The following TRABD2B variants were observed in gnomAD, a reference collection of about 807,000 sequenced individuals.
TRABD2B encodes the protein TraB domain containing 2B, also known as metalloprotease TIKI2.
TRABD2B carries 14 observed loss-of-function variants against 40.1 expected under a neutral mutation model. The observed-to-expected ratio is 0.35, with a 90% CI of 0.23 to 0.55. TRABD2B has a LOEUF of 0.55. Among genes scored for constraint, TRABD2B ranks in the 20% least tolerant of loss-of-function variants. TRABD2B has a pLI of 0.90. For missense variants in TRABD2B, 541 were observed against 648.6 expected (o/e 0.83, Z 1.80); for synonymous variants, 263 against 277.0 (o/e 0.95, Z 0.50).
intron 2 of TRABD2B, among the ~76,000 whole-genome samples, chr1:47,909,438 GAGAAGA>G (rs1011112419): frequency 1.3e-5 from 2 of 148,842 alleles, no homozygotes; most frequent in East Asian, 2.0e-4. Context: ...GAGAGAGAGA[GAGAAGA>G]AGAAGAAGAA....
chr1:47,913,156 C>T (rs975911002), intron 2 of TRABD2B, among the ~76,000 whole-genome samples: 2 of 152,222 alleles, frequency 1.3e-5, no homozygotes, highest in African/African-American at 4.8e-5. Flanking sequence ...TGACTTTGTC[C>T]TTCCCAAGCT....
chr1:47,981,590 C>T (rs1181349447), intron 2 of TRABD2B, among the ~76,000 whole-genome samples: 1 of 152,144 alleles, frequency 6.6e-6, no homozygotes, highest in Non-Finnish European at 1.5e-5. Flanking sequence ...TTCAACCCCA[C>T]CCCCTTCCCC....
rs1645012680 is a variant in TRABD2B at position 47,815,044 on chromosome 1, C to A, written c.667-13425G>T. ...AAAGTGCCCAAGGTCACACAGCAAG[C>A]CAGGGGATGCAGAATAAGGCAAGAA... On this transcript the variant is annotated intron_variant, in intron 2 of 6. Coordinates refer to ENST00000606738, the MANE Select transcript of TRABD2B (RefSeq NM_001194986.2). 1.3e-5 allele frequency among the ~76,000 whole-genome samples: 2 copies of A among 152,184 alleles called. 1 individual carries two copies. The highest frequency in any genetic ancestry group is 3.9e-4 in the East Asian group (2 of 5,184).
In TRABD2B at chr1:47,768,892, C is replaced by G. The variant is rs571665988; in HGVS notation, c.1350-2786G>C. Among the ~76,000 whole-genome samples the G allele has an allele frequency of 7.0e-3, 1,070 of 152,336 alleles. 13 individuals are homozygous for G. The highest frequency in any genetic ancestry group is 0.024 in the African/African-American group (1,004 of 41,574). On this transcript the variant is annotated intron_variant, in intron 6 of 6. Coordinates refer to ENST00000606738, the MANE Select transcript of TRABD2B (RefSeq NM_001194986.2). ...CCCTTTCTAAGGTGTGGAAACTGAG[C>G]TTGAAGGACTTCAGATTTCTTGCAA...
intron 2 of TRABD2B, among the ~76,000 whole-genome samples, chr1:47,814,999 T>G (rs888433412): frequency 6.6e-6 from 1 of 152,132 alleles, no homozygotes; most frequent in African/African-American, 2.4e-5. Context: ...GAGAGAACAC[T>G]GAGCCCCAGA....
intron 6 of TRABD2B, among the ~76,000 whole-genome samples, chr1:47,768,334 G>A (rs894179986): frequency 2.0e-5 from 3 of 152,012 alleles, no homozygotes; most frequent in African/African-American, 7.3e-5. Context: ...TGGAAGTGGG[G>A]GGGGAGGGCC....
chr1:47,926,343 T>C (rs1028890002), intron 2 of TRABD2B, among the ~76,000 whole-genome samples: 3 of 152,142 alleles, frequency 2.0e-5, no homozygotes, highest in African/African-American at 7.2e-5. Context: ...GTGCGTTCTA[T>C]TGCACTGTAG....
At chr1:47,983,678 T>A (rs1348621486) in intron 2 of TRABD2B, among the ~76,000 whole-genome samples, 2 of 151,164 alleles carry the variant, frequency 1.3e-5, no homozygotes, top group African/African-American at 4.9e-5. Flanking sequence ...CAGCTGGATA[T>A]CTGGGGGTCC....
chr1:47,792,763 C>T (rs1442792443), intron 4 of TRABD2B, among the ~76,000 whole-genome samples: 4 of 152,112 alleles, frequency 2.6e-5, no homozygotes, highest in African/African-American at 9.7e-5. Flanking sequence ...GCTCCTGGGT[C>T]CTGGGGCAGG....
At chr1:47,808,090 G>T (rs1412985028) in intron 2 of TRABD2B, among the ~76,000 whole-genome samples, 1 of 152,206 alleles carries the variant, frequency 6.6e-6, no homozygotes, top group African/African-American at 2.4e-5. Context: ...TTGAGATGCA[G>T]ATTACCCTCC....
At chr1:47,781,718 A>T (rs1644526088) in intron 4 of TRABD2B, among the ~76,000 whole-genome samples, 1 of 152,184 alleles carries the variant, frequency 6.6e-6, no homozygotes, top group African/African-American at 2.4e-5. Flanking sequence ...ACCTCCACCC[A>T]GGTGGCTACT....
intron 2 of TRABD2B, among the ~76,000 whole-genome samples, chr1:47,901,228 A>G (rs968511086): frequency 7.9e-5 from 12 of 152,228 alleles, no homozygotes; most frequent in African/African-American, 2.7e-4. Flanking sequence ...ACAATTTGCA[A>G]GAGTCACCAA....
At chr1:47,815,361 A>AG (rs2124375471) in intron 2 of TRABD2B, among the ~76,000 whole-genome samples, 1 of 152,326 alleles carries the variant, frequency 6.6e-6, no homozygotes, top group South Asian at 2.1e-4. Flanking sequence ...GAGAGCAGAC[A>AG]GGGGCCCTTG....
Position 47,969,850 on chromosome 1 carries a change from G to A in TRABD2B, c.666+24184C>T, listed in dbSNP as rs529786909. On this transcript the variant is annotated intron_variant, in intron 2 of 6. Transcript: ENST00000606738. ...AAGCCAGCAAGGTGATGTTTCCCCT[G>A]CCATGTCCTCATGATCAAGAGAAAG... Among the ~76,000 whole-genome samples, 5 of 152,220 alleles carry A rather than the reference G, an allele frequency of 3.3e-5. No homozygotes were observed. In the East Asian group the frequency reaches 9.7e-4, roughly 29 times the overall value.
intron 2 of TRABD2B, among the ~76,000 whole-genome samples, chr1:47,983,527 G>T (rs953908875): frequency 6.6e-6 from 1 of 152,092 alleles, no homozygotes; most frequent in African/African-American, 2.4e-5. Context: ...CAATGACCAA[G>T]CATTGTTATC....
chr1:47,897,379 C>T (rs1274562283), intron 2 of TRABD2B, among the ~76,000 whole-genome samples: 1 of 151,954 alleles, frequency 6.6e-6, no homozygotes, highest in Non-Finnish European at 1.5e-5. Context: ...TCCTAGGCGG[C>T]CATAGAAGGA....
At chr1:47,770,977 AG>A (rs1242930927) in intron 6 of TRABD2B, among the ~76,000 whole-genome samples, 2 of 152,230 alleles carry the variant, frequency 1.3e-5, no homozygotes, top group Admixed American at 1.3e-4. Context: ...AGTAAGTAAA[AG>A]GGGGGACTGG....
At chr1:47,866,702 T>C (rs886094903) in intron 2 of TRABD2B, among the ~76,000 whole-genome samples, 1 of 152,184 alleles carries the variant, frequency 6.6e-6, no homozygotes, top group Admixed American at 6.5e-5. Context: ...CTTGGCTGTG[T>C]TCCTCCTATG....
At chr1:47,882,117 C>G (rs1232051705) in intron 2 of TRABD2B, among the ~76,000 whole-genome samples, 2 of 152,226 alleles carry the variant, frequency 1.3e-5, no homozygotes, top group Admixed American at 6.5e-5. Context: ...CTGCTGGGGG[C>G]CTGGCTGGGT....
Sources: gnomAD v4.1 joint callset for allele counts (sites outside exome capture counted in the v4.1 genomes callset) on GRCh38, gnomAD v4.1.1 for gene constraint, MANE v1.5 for transcripts, NCBI Gene and HGNC (gene_info 2026-07-23, HGNC 2026-07-21) for gene names.